LRMDA: variants seen among roughly 807,000 people sequenced by gnomAD.
LRMDA encodes leucine rich melanocyte differentiation associated.
In LRMDA, 18 loss-of-function variants were observed where a neutral mutation model predicts 29.8. The ratio of observed to expected loss-of-function variants is 0.60; its 90% CI spans 0.42 to 0.90. The LOEUF is 0.90. Ranked by LOEUF, LRMDA falls within the 40% of genes least tolerant of loss-of-function variation. The pLI is 0.00. For missense variants in LRMDA, 273 were observed against 273.9 expected (o/e 1.00, Z 0.02); for synonymous variants, 125 against 109.4 (o/e 1.14, Z -0.89).
intron 6 of LRMDA, among the ~76,000 whole-genome samples, chr10:76,475,703 C>G (rs1842662479): frequency 6.6e-6 from 1 of 152,108 alleles, no homozygotes; most frequent in Admixed American, 6.6e-5. Context: ...ACCTGTCTCT[C>G]AGACCACAGT....
At chr10:75,567,967 G>A (rs1840393522) in intron 2 of LRMDA, among the ~76,000 whole-genome samples, 1 of 152,230 alleles carries the variant, frequency 6.6e-6, no homozygotes, top group African/African-American at 2.4e-5. Flanking sequence ...CCATGAAATT[G>A]TAGGTTCAAT....
intron 5 of LRMDA, among the ~76,000 whole-genome samples, chr10:76,099,600 A>G (rs182981661): frequency 2.0e-5 from 3 of 150,860 alleles, no homozygotes; most frequent in East Asian, 1.9e-4. Flanking sequence ...GTTTTATTCA[A>G]TTAAAATATA....
chr10:76,484,791 A>G (rs1412534951), intron 6 of LRMDA, among the ~76,000 whole-genome samples: 1 of 151,788 alleles, frequency 6.6e-6, no homozygotes, highest in Non-Finnish European at 1.5e-5. Context: ...TTGCAGTCCT[A>G]GTACTTTTTT....
chr10:76,313,223 T>C (rs1483177536), intron 5 of LRMDA, among the ~76,000 whole-genome samples: 2 of 152,212 alleles, frequency 1.3e-5, no homozygotes, highest in Non-Finnish European at 2.9e-5. Context: ...CTAGGAGTTG[T>C]GACTCCTCGT....
At chr10:76,511,925 G>T (rs1843012816) in intron 6 of LRMDA, among the ~76,000 whole-genome samples, 1 of 150,716 alleles carries the variant, frequency 6.6e-6, no homozygotes, top group Admixed American at 6.6e-5. Flanking sequence ...AAATAATCTT[G>T]AAAAAGAAGA....
At chr10:75,744,682 A>C (rs1395732141) in intron 2 of LRMDA, among the ~76,000 whole-genome samples, 2 of 152,170 alleles carry the variant, frequency 1.3e-5, no homozygotes, top group African/African-American at 2.4e-5. Context: ...ATCAGGACTT[A>C]GATCTGCCAA....
At chr10:75,583,983 G>GC (rs949405098) in intron 2 of LRMDA, among the ~76,000 whole-genome samples, 6 of 151,974 alleles carry the variant, frequency 3.9e-5, no homozygotes, top group East Asian at 3.9e-4. Flanking sequence ...CCCCTTCCCA[G>GC]CCCCCCCATA....
chr10:76,401,212 G>A (rs571567836), intron 6 of LRMDA, among the ~76,000 whole-genome samples: 2 of 152,022 alleles, frequency 1.3e-5, no homozygotes, highest in South Asian at 4.1e-4. Flanking sequence ...TGGATGGTAT[G>A]CTCCAGTGAC....
At chr10:76,057,445 G>A (rs766275019) in intron 4 of LRMDA, among the ~76,000 whole-genome samples, 1 of 152,224 alleles carries the variant, frequency 6.6e-6, no homozygotes, top group Admixed American at 6.5e-5. Context: ...TGTGGTGAGA[G>A]TGAGCAAATA....
At chr10:75,907,481 A>G (rs1037361078) in intron 2 of LRMDA, among the ~76,000 whole-genome samples, 13 of 152,152 alleles carry the variant, frequency 8.5e-5, no homozygotes, top group African/African-American at 2.7e-4. Context: ...TGTTCATGTT[A>G]TTGAGATGGT....
chr10:75,851,489 T>C (rs1844732545), intron 2 of LRMDA, among the ~76,000 whole-genome samples: 1 of 152,234 alleles, frequency 6.6e-6, no homozygotes, highest in South Asian at 2.1e-4. Context: ...GCTTACCAAA[T>C]TTTCTGGCTT....
chr10:76,345,658 G>T (rs1235569453), intron 6 of LRMDA, among the ~76,000 whole-genome samples: 1 of 151,908 alleles, frequency 6.6e-6, no homozygotes, highest in Admixed American at 6.6e-5. Context: ...CATGGAAAAA[G>T]AGTATGGTGG....
intron 2 of LRMDA, among the ~76,000 whole-genome samples, chr10:75,988,946 G>T (rs1847309898): frequency 6.6e-6 from 1 of 152,108 alleles, no homozygotes; most frequent in Non-Finnish European, 1.5e-5. Flanking sequence ...TGTGTCCTTT[G>T]CACAGTCTTC....
rs546593154 is a variant in LRMDA at position 76,559,321 on chromosome 10, T to G, written c.*2033T>G. 1 of 152,348 alleles carries G rather than the reference T, an allele frequency of 6.6e-6. No individual in the cohort carries two copies. The highest frequency in any genetic ancestry group is 2.4e-5 in the African/African-American group (1 of 41,596). The allele number at this position is 152,348 out of a possible 1,614,324, so 9.4% of individuals were successfully genotyped here. A position where few individuals can be genotyped will look rare whatever the true frequency, so the allele number is the denominator to read the frequency against. ...GGAATGTCTCCCTCAATGTGAGCTTTGGAGGCAAAACATATTTTTGGAGTG... is the reference window on the plus strand; with the variant it reads ...GGAATGTCTCCCTCAATGTGAGCTTGGGAGGCAAAACATATTTTTGGAGTG... On this transcript the variant is annotated 3_prime_UTR_variant, in exon 7 of 7. Transcript: ENST00000611255.
intron 2 of LRMDA, among the ~76,000 whole-genome samples, chr10:75,982,301 G>T (rs1266763427): frequency 2.0e-5 from 3 of 152,182 alleles, no homozygotes; most frequent in African/African-American, 7.2e-5. Context: ...TCTCTCACTT[G>T]GAAAGGGGCG....
intron 2 of LRMDA, among the ~76,000 whole-genome samples, chr10:75,782,254 T>A (rs1843395327): frequency 6.6e-6 from 1 of 152,152 alleles, no homozygotes; most frequent in Non-Finnish European, 1.5e-5. Flanking sequence ...ACAAGCAAAA[T>A]AATCCTGCTG....
chr10:75,803,465 A>G (rs1285796902), intron 2 of LRMDA, among the ~76,000 whole-genome samples: 5 of 152,210 alleles, frequency 3.3e-5, no homozygotes, highest in Non-Finnish European at 7.3e-5. Flanking sequence ...AAGAGGTTGC[A>G]TGGCACTGTG....
At chr10:76,061,173 A>G (rs770187572) in intron 5 of LRMDA, among the ~76,000 whole-genome samples, 4 of 152,276 alleles carry the variant, frequency 2.6e-5, no homozygotes, top group Admixed American at 2.6e-4. Context: ...CGTATACACT[A>G]TGGAATACTA....
chr10:75,540,357 G>T (rs527363775), intron 2 of LRMDA, among the ~76,000 whole-genome samples: 2 of 152,212 alleles, frequency 1.3e-5, no homozygotes, highest in Non-Finnish European at 2.9e-5. Context: ...CCAATGGTGG[G>T]CATGCTCCAA....
Sources: gnomAD v4.1 joint callset for allele counts (sites outside exome capture counted in the v4.1 genomes callset) on GRCh38, gnomAD v4.1.1 for gene constraint, MANE v1.5 for transcripts, NCBI Gene and HGNC (gene_info 2026-07-23, HGNC 2026-07-21) for gene names.